SGCD: variants seen among roughly 807,000 people sequenced by gnomAD.
SGCD encodes sarcoglycan delta.
In SGCD, 18 loss-of-function variants were observed where a neutral mutation model predicts 36.6. The observed-to-expected ratio is 0.49, with a 90% confidence interval of 0.34 to 0.73. The LOEUF (loss-of-function observed/expected upper bound fraction) is 0.73. Ranked by LOEUF, SGCD falls within the 30% of genes least tolerant of loss-of-function variation. The pLI, the probability that SGCD is intolerant of heterozygous loss-of-function variation, is 0.01. For synonymous variants in SGCD, 133 were observed against 130.6 expected, an observed-to-expected ratio of 1.02 and a Z score of -0.12; for missense variants, 387 against 346.7, an observed-to-expected ratio of 1.12 and a Z score of -0.92.
At chr5:155,965,481 C>T (rs933572320) in intron 1 of SGCD, among the ~76,000 whole-genome samples, 1 of 152,112 alleles carries the variant, frequency 6.6e-6, no homozygotes, top group African/African-American at 2.4e-5. Flanking sequence ...TGCATTACTA[C>T]ATTGTAGAGA....
At chr5:155,903,478 A>G (rs1278673955) in intron 1 of SGCD, among the ~76,000 whole-genome samples, 1 of 152,152 alleles carries the variant, frequency 6.6e-6, no homozygotes, top group Non-Finnish European at 1.5e-5. Context: ...GGTAAACTCC[A>G]TTGGTTCAGC....
intron 3 of SGCD, among the ~76,000 whole-genome samples, chr5:156,447,963 G>A (rs1253376990): frequency 1.3e-5 from 2 of 152,110 alleles, no homozygotes; most frequent in Non-Finnish European, 2.9e-5. Context: ...GGAAAATGAG[G>A]ATCAGTGAGA....
the SGCD span, among the ~76,000 whole-genome samples, chr5:155,729,722 G>A: frequency 3.4e-4 from 52 of 152,210 alleles, no homozygotes; most frequent in African/African-American, 1.2e-3. Flanking sequence ...TCTGAACATG[G>A]ATAAGGAAAT....
chr5:156,677,817 G>A (rs1046219679), intron 7 of SGCD, among the ~76,000 whole-genome samples: 11 of 152,282 alleles, frequency 7.2e-5, no homozygotes, highest in South Asian at 6.2e-4. Flanking sequence ...GAATCTCAGT[G>A]TCACATTGCA....
intron 3 of SGCD, among the ~76,000 whole-genome samples, chr5:156,440,706 T>A (rs780581270): frequency 1.3e-5 from 2 of 152,182 alleles, no homozygotes; most frequent in African/African-American, 4.8e-5. Context: ...TCCCTATTGA[T>A]GAATGATAAT....
At chr5:156,289,527 A>C (rs1244058709) in intron 3 of SGCD, among the ~76,000 whole-genome samples, 1 of 151,642 alleles carries the variant, frequency 6.6e-6, no homozygotes, top group African/African-American at 2.4e-5. Context: ...CTCATTGTTC[A>C]GTTCCCACTT....
intron 3 of SGCD, among the ~76,000 whole-genome samples, chr5:156,160,925 G>C (rs1033076396): frequency 6.6e-6 from 1 of 151,640 alleles, no homozygotes; most frequent in East Asian, 1.9e-4. Context: ...GTAGCACAAG[G>C]CCTCTGTCAG....
intron 3 of SGCD, among the ~76,000 whole-genome samples, chr5:156,347,855 T>C (rs1474933787): frequency 6.6e-6 from 1 of 152,214 alleles, no homozygotes; most frequent in Non-Finnish European, 1.5e-5. Flanking sequence ...GGTAATAATC[T>C]ATATGAAATC....
At chr5:155,887,366 C>T (rs1756028963) in intron 1 of SGCD, among the ~76,000 whole-genome samples, 2 of 152,150 alleles carry the variant, frequency 1.3e-5, no homozygotes, top group East Asian at 1.9e-4. Flanking sequence ...GCCTACATTT[C>T]CAACTTTATT....
intron 3 of SGCD, among the ~76,000 whole-genome samples, chr5:156,265,387 CA>C (rs1765972100): frequency 1.3e-5 from 2 of 151,940 alleles, no homozygotes; most frequent in Non-Finnish European, 2.9e-5. Context: ...AATGGATTTG[CA>C]TGTCCTTTGA....
intron 6 of SGCD, among the ~76,000 whole-genome samples, chr5:156,606,104 A>T (rs983912891): frequency 1.3e-5 from 2 of 152,080 alleles, no homozygotes; most frequent in Non-Finnish European, 2.9e-5. Flanking sequence ...GGTGTTTTAG[A>T]CATGAAGTCC....
At chr5:156,147,177 G>A (rs973081264) in intron 3 of SGCD, among the ~76,000 whole-genome samples, 4 of 152,176 alleles carry the variant, frequency 2.6e-5, no homozygotes, top group African/African-American at 9.7e-5. Context: ...TAGGGTAATA[G>A]TACTGTAACC....
chr5:156,397,462 C>T (rs1006776952), intron 3 of SGCD, among the ~76,000 whole-genome samples: 5 of 152,096 alleles, frequency 3.3e-5, no homozygotes, highest in Admixed American at 6.6e-5. Context: ...TTTTCCTCTC[C>T]GTTCTAGAGG....
At chr5:156,507,878 CAT>C (rs1315589120) in intron 3 of SGCD, among the ~76,000 whole-genome samples, 1 of 151,938 alleles carries the variant, frequency 6.6e-6, no homozygotes, top group Non-Finnish European at 1.5e-5. Context: ...GAGAAAAAAA[CAT>C]ATTAGTGAAA....
At chr5:156,511,221 T>C (rs1206541672) in intron 4 of SGCD, among the ~76,000 whole-genome samples, 1 of 152,180 alleles carries the variant, frequency 6.6e-6, no homozygotes, top group Non-Finnish European at 1.5e-5. Context: ...AAAAGAAGTA[T>C]CTTCTAACTG....
chr5:156,263,413 T>C (rs886367805), intron 3 of SGCD, among the ~76,000 whole-genome samples: 4 of 152,188 alleles, frequency 2.6e-5, no homozygotes, highest in Admixed American at 1.3e-4. Flanking sequence ...GAGAATTGTC[T>C]ATTCATGTCC....
At chr5:156,192,370 A>G (rs1763912624) in intron 3 of SGCD, among the ~76,000 whole-genome samples, 1 of 152,192 alleles carries the variant, frequency 6.6e-6, no homozygotes, top group Admixed American at 6.5e-5. Flanking sequence ...TATGCCAGGT[A>G]CAGAAAGACA....
At chr5:156,558,088 A>AATGTATATATATATATATAT (rs1330398244) in intron 4 of SGCD, among the ~76,000 whole-genome samples, 53 of 95,574 alleles carry the variant, frequency 5.5e-4, no homozygotes, top group African/African-American at 1.9e-3. Flanking sequence ...AGTAAATACA[A>AATGTATATATATATATATAT]ATATATATAT....
chr5:156,631,700 G>A (rs910638448), intron 6 of SGCD, among the ~76,000 whole-genome samples: 68 of 151,768 alleles, frequency 4.5e-4, no homozygotes, highest in African/African-American at 1.4e-3. Context: ...ACCTTTTAGC[G>A]TACCTGTTTT....
Sources: gnomAD v4.1 joint callset for allele counts (sites outside exome capture counted in the v4.1 genomes callset) on GRCh38, gnomAD v4.1.1 for gene constraint, MANE v1.5 for transcripts, NCBI Gene and HGNC (gene_info 2026-07-23, HGNC 2026-07-21) for gene names.